CRPPA: variants seen among roughly 807,000 people sequenced by gnomAD.
CRPPA encodes the protein CDP-L-ribitol pyrophosphorylase A, also known as D-ribitol-5-phosphate cytidylyltransferase.
A neutral mutation model predicts 52.0 loss-of-function variants in CRPPA; 43 were observed. The ratio of observed to expected loss-of-function variants is 0.83; its 90% confidence interval spans 0.65 to 1.07. CRPPA has a LOEUF of 1.07. Among genes scored for constraint, CRPPA ranks in the 50% least tolerant of loss-of-function variants. The pLI is 0.00. For synonymous variants in CRPPA, 250 were observed against 203.5 expected (o/e 1.23, Z -1.94); for missense variants, 629 against 551.7 (o/e 1.14, Z -1.40).
At chr7:16,091,832 G>GA (rs1781844429) in intron 9 of CRPPA, 33 bp from the exon 10 acceptor site, 3 of 1,246,738 alleles carry the variant, frequency 2.4e-6, no homozygotes, top group Admixed American at 3.1e-5. Flanking sequence ...TAATATTTTA[G>GA]AAAAAACATA....
At chr7:16,361,496 G>A (rs1786441402) in intron 3 of CRPPA, among the ~76,000 whole-genome samples, 1 of 152,154 alleles carries the variant, frequency 6.6e-6, no homozygotes, top group African/African-American at 2.4e-5. Context: ...TAAACAAAAT[G>A]TGGTATGTAC....
chr7:16,327,165 C>G (rs77633548), intron 3 of CRPPA, among the ~76,000 whole-genome samples: 1 of 152,216 alleles, frequency 6.6e-6, no homozygotes, highest in African/African-American at 2.4e-5. Flanking sequence ...TCTCTTTTCT[C>G]AAGAATGGAG....
chr7:16,399,004 C>G (rs1388787972), intron 2 of CRPPA, among the ~76,000 whole-genome samples: 7 of 152,242 alleles, frequency 4.6e-5, no homozygotes, highest in Admixed American at 4.6e-4. Flanking sequence ...TGACACTTGA[C>G]TGACACAATT....
In CRPPA at chr7:16,342,771, A is replaced by AT. The variant is rs1785888957; in HGVS notation, c.684+33320_684+33321insA. Among the ~76,000 whole-genome samples, 13 of 43,968 alleles carry AT rather than the reference A, an allele frequency of 3.0e-4. 1 individual carries two copies. Among genetic ancestry groups the AT allele is most frequent in the South Asian group, 9.3e-4 (1 of 1,072 alleles). 28.8% of individuals were successfully genotyped at this position (43,968 alleles called of 152,430 possible). ...GATGAACCCTGTCTCCACAAAAAAA[A>AT]AAAAAAAAAAAATATATATATATAT... On this transcript the variant is annotated intron_variant, in intron 3 of 9. Coordinates refer to ENST00000407010, the MANE Select transcript of CRPPA (RefSeq NM_001101426.4).
chr7:16,165,335 T>C (rs565607227), intron 9 of CRPPA, among the ~76,000 whole-genome samples: 1 of 152,254 alleles, frequency 6.6e-6, no homozygotes, highest in Non-Finnish European at 1.5e-5. Flanking sequence ...GTTTAGATTA[T>C]AAAACAAGCA....
At chr7:16,190,426 T>C (rs767057974) in intron 9 of CRPPA, among the ~76,000 whole-genome samples, 9 of 152,150 alleles carry the variant, frequency 5.9e-5, no homozygotes, top group Non-Finnish European at 1.3e-4. Context: ...TGTTACAAAA[T>C]GAAAAGAGTA....
At chr7:16,408,007 C>G (rs1787994256) in intron 1 of CRPPA, among the ~76,000 whole-genome samples, 1 of 151,398 alleles carries the variant, frequency 6.6e-6, no homozygotes, top group South Asian at 2.1e-4. Context: ...ACTCGAGAGG[C>G]TGAGGCAAGA....
chr7:16,323,931 G>A (rs1445526877), intron 3 of CRPPA, among the ~76,000 whole-genome samples: 1 of 152,094 alleles, frequency 6.6e-6, no homozygotes, highest in East Asian at 1.9e-4. Flanking sequence ...TAAAACTGTA[G>A]AGAAAAGCAA....
At chr7:16,201,257 G>T (rs1195482216) in intron 9 of CRPPA, among the ~76,000 whole-genome samples, 2 of 152,040 alleles carry the variant, frequency 1.3e-5, no homozygotes, top group African/African-American at 4.8e-5. Context: ...AGGCAGACAG[G>T]GGCAGGTCCC....
At chr7:16,250,583 G>A (rs1295161) in intron 8 of CRPPA, among the ~76,000 whole-genome samples, 28,209 of 152,094 alleles carry the variant, frequency 0.19, 3,461 homozygotes, top group African/African-American at 0.35. Flanking sequence ...CATTCTTAAA[G>A]AAAAGAATTT....
chr7:16,296,981 A>G (rs770696112), intron 5 of CRPPA, among the ~76,000 whole-genome samples: 4 of 152,208 alleles, frequency 2.6e-5, no homozygotes, highest in African/African-American at 4.8e-5. Context: ...GAGCTAGGCA[A>G]GCTGAGCTTT....
At chr7:16,413,477 C>T (rs1788118687) in intron 1 of CRPPA, among the ~76,000 whole-genome samples, 2 of 152,170 alleles carry the variant, frequency 1.3e-5, no homozygotes, top group African/African-American at 2.4e-5. Context: ...AAAAGCTTTC[C>T]TTTCTCATTC....
At chr7:16,284,608 C>T (rs968467636) in intron 5 of CRPPA, among the ~76,000 whole-genome samples, 1 of 152,088 alleles carries the variant, frequency 6.6e-6, no homozygotes, top group Non-Finnish European at 1.5e-5. Context: ...TTTCAAATTT[C>T]ACCAAACGTG....
intron 9 of CRPPA, among the ~76,000 whole-genome samples, chr7:16,196,236 T>C (rs1296955044): frequency 6.6e-6 from 1 of 152,168 alleles, no homozygotes; most frequent in Non-Finnish European, 1.5e-5. Context: ...ACTTATTAGC[T>C]TATGCATGTG....
At chr7:16,172,242 G>A (rs1487290181) in intron 9 of CRPPA, among the ~76,000 whole-genome samples, 2 of 152,184 alleles carry the variant, frequency 1.3e-5, no homozygotes, top group African/African-American at 2.4e-5. Flanking sequence ...TACAAACTAA[G>A]GAGCTTGGTG....
At chr7:16,246,522 A>C (rs995913189) in intron 8 of CRPPA, among the ~76,000 whole-genome samples, 1 of 152,220 alleles carries the variant, frequency 6.6e-6, no homozygotes, top group Non-Finnish European at 1.5e-5. Flanking sequence ...CATCAGAGGA[A>C]TCTATCTAGG....
At chr7:16,108,846 A>G (rs1251717777) in intron 9 of CRPPA, among the ~76,000 whole-genome samples, 3 of 151,944 alleles carry the variant, frequency 2.0e-5, no homozygotes, top group Non-Finnish European at 4.4e-5. Flanking sequence ...ATTAAACAAC[A>G]TGCTACTGAA....
chr7:16,176,962 T>C (rs961400089), intron 9 of CRPPA, among the ~76,000 whole-genome samples: 1 of 152,176 alleles, frequency 6.6e-6, no homozygotes, highest in Non-Finnish European at 1.5e-5. Context: ...AAGAATACTA[T>C]TCAGCATTAA....
chr7:16,182,914 C>T (rs1182675862), intron 9 of CRPPA, among the ~76,000 whole-genome samples: 1 of 152,128 alleles, frequency 6.6e-6, no homozygotes, highest in Non-Finnish European at 1.5e-5. Context: ...CTACTTTCTG[C>T]AAAGGCCCAA....
Sources: allele counts gnomAD v4.1 joint callset (sites outside exome capture counted in the v4.1 genomes callset), GRCh38; gene constraint gnomAD v4.1.1; transcripts MANE v1.5; gene names NCBI Gene and HGNC (gene_info 2026-07-23, HGNC 2026-07-21).